GNE: variants seen among roughly 807,000 people sequenced by gnomAD.
GNE encodes bifunctional UDP-N-acetylglucosamine 2-epimerase/N-acetylmannosamine kinase.
GNE carries 41 observed loss-of-function variants against 61.8 expected under a neutral mutation model. The ratio of observed to expected loss-of-function variants is 0.66; its 90% CI spans 0.52 to 0.86. The LOEUF (loss-of-function observed/expected upper bound fraction) is 0.86, where lower values mean the gene tolerates loss of function less well. GNE is among the 40% of genes least tolerant of loss of function. The probability of loss-of-function intolerance (pLI) is 0.00; values close to 1 mark genes in which losing one functional copy is unlikely to be tolerated. For synonymous variants in GNE, 264 were observed against 326.4 expected (o/e 0.81, Z 2.06); for missense variants, 608 against 909.1 (o/e 0.67, Z 4.26).
intron 1 of GNE, among the ~76,000 whole-genome samples, chr9:36,266,699 G>A (rs907822339): frequency 1.6e-4 from 24 of 152,272 alleles, no homozygotes; most frequent in African/African-American, 5.3e-4. Context: ...CACAAGGTCA[G>A]GAGATCGAGA....
At chr9:36,240,964 G>A (rs137949937) in intron 3 of GNE, among the ~76,000 whole-genome samples, 1 of 152,032 alleles carries the variant, frequency 6.6e-6, no homozygotes, top group Non-Finnish European at 1.5e-5. Context: ...AGCCTTGAAT[G>A]ATCTTTTGTA....
At chr9:36,235,773 G>A (rs1829364775) in intron 4 of GNE, among the ~76,000 whole-genome samples, 1 of 152,162 alleles carries the variant, frequency 6.6e-6, no homozygotes, top group African/African-American at 2.4e-5. Flanking sequence ...TACTAAGACA[G>A]GGGTTCTTTC....
chr9:36,249,598 G>T (rs1005099792), intron 1 of GNE, among the ~76,000 whole-genome samples: 2 of 152,112 alleles, frequency 1.3e-5, no homozygotes, highest in African/African-American at 2.4e-5. Flanking sequence ...AAACTCCAAG[G>T]CTGGGAGTGG....
At chr9:36,267,070 A>G (rs996339868) in intron 1 of GNE, among the ~76,000 whole-genome samples, 3 of 152,232 alleles carry the variant, frequency 2.0e-5, no homozygotes, top group African/African-American at 7.2e-5. Context: ...AGTCTCAAAA[A>G]AAGAGATTAT....
chr9:36,218,082 A>G lies in GNE; in HGVS notation c.1933+101T>C. The stretch of plus-strand genomic sequence containing the variant: ...AACCTCTGAACAGACACTGCAAAGC[A>G]CCTGTCCCTAGGGAAGCAGGGTCTC... On this transcript the variant is annotated intron_variant, in intron 11 of 11. Coordinates refer to ENST00000642385, the MANE Select transcript of GNE (RefSeq NM_005476.7). This position sits in a 1 kb window ranked among gnomAD's most constrained non-coding sequence, Gnocchi z 4.1. The G allele has an allele frequency of 1.2e-6, 1 of 816,750 alleles. No individual in the cohort carries two copies. Among genetic ancestry groups the G allele is most frequent in the Middle Eastern group, 2.2e-4 (1 of 4,480 alleles). 50.6% of individuals were successfully genotyped at this position (816,750 alleles called of 1,614,324 possible).
At chr9:36,239,620 A>G (rs897657011) in intron 3 of GNE, among the ~76,000 whole-genome samples, 2 of 151,868 alleles carry the variant, frequency 1.3e-5, no homozygotes, top group Non-Finnish European at 2.9e-5. Flanking sequence ...CTACAGGTGC[A>G]CATCACCATG....
At chr9:36,240,900 A>G (rs1022589387) in intron 3 of GNE, among the ~76,000 whole-genome samples, 5 of 152,100 alleles carry the variant, frequency 3.3e-5, no homozygotes, top group African/African-American at 9.6e-5. Context: ...TTTTCCAGGA[A>G]TTTGTCCATC....
rs548629989 is a variant in GNE at position 36,232,990 on chromosome 9, A to G, written c.982+930T>C. 5.3e-5 allele frequency among the ~76,000 whole-genome samples: 8 copies of G among 152,348 alleles called. No individual in the cohort carries two copies. The South Asian group carries it at 1.5e-3, about 28-fold the overall frequency. On this transcript the variant is annotated intron_variant, in intron 5 of 11. Transcript: ENST00000642385. ...GTAATATGCTGGGAATGAGAAGGGA[A>G]GAAGATCTAAATATAACAGAAAGGT...
At chr9:36,255,852 CA>C (rs1388904063) in intron 1 of GNE, among the ~76,000 whole-genome samples, 7 of 152,158 alleles carry the variant, frequency 4.6e-5, no homozygotes, top group African/African-American at 1.4e-4. Context: ...AGATGTTAGA[CA>C]GATAGATGAT....
rs1280156301 is a variant in GNE, at chr9:36,218,417, G to T, written c.1817-118C>A. 8.0e-6 allele frequency: 6 copies of T among 748,216 alleles called. No homozygotes were observed. The East Asian group carries it at 1.3e-4, about 16-fold the overall frequency. 46.3% of individuals were successfully genotyped at this position (748,216 alleles called of 1,614,324 possible). ...AAGACGGTGTTTTCTTTTCACAATT[G>T]CAAAGCTTATCGTTCACAAACATCT... On this transcript the variant is annotated intron_variant, in intron 10 of 11. Transcript: ENST00000642385. This position sits in a 1 kb window ranked among gnomAD's most constrained non-coding sequence, Gnocchi z 4.1.
intron 9 of GNE, 131 bp from the exon 10 acceptor site, chr9:36,220,151 C>G: frequency 1.3e-6 from 1 of 765,594 alleles, no homozygotes; most frequent in East Asian, 2.6e-5. Flanking sequence ...ACAGCTGAAG[C>G]CCACTAGGCA....
intron 1 of GNE, among the ~76,000 whole-genome samples, chr9:36,251,190 C>G (rs779808888): frequency 2.6e-5 from 4 of 152,150 alleles, no homozygotes; most frequent in Non-Finnish European, 5.9e-5. Flanking sequence ...AAAACTCCAT[C>G]TAAGTGTCAT....
At chr9:36,267,625 G>C (rs1830854635) in intron 1 of GNE, among the ~76,000 whole-genome samples, 1 of 152,118 alleles carries the variant, frequency 6.6e-6, no homozygotes, top group Non-Finnish European at 1.5e-5. Flanking sequence ...GAATGCAGGA[G>C]GCAGAGGTTG....
upstream of GNE, among the ~76,000 whole-genome samples, chr9:36,260,296 AAAG>A (rs1304143321): frequency 2.0e-5 from 3 of 149,418 alleles, no homozygotes; most frequent in Non-Finnish European, 2.9e-5. Context: ...AAAAAAAAAA[AAAG>A]AAAGAAAGAA....
chr9:36,224,993 A>T (rs1281330315), intron 7 of GNE, among the ~76,000 whole-genome samples: 5 of 152,224 alleles, frequency 3.3e-5, no homozygotes, highest in Admixed American at 2.0e-4. Flanking sequence ...TTTAATGTTA[A>T]ACTTTGAGAA....
upstream of GNE, among the ~76,000 whole-genome samples, chr9:36,258,997 C>G (rs1052363884): frequency 6.6e-6 from 1 of 152,212 alleles, no homozygotes; most frequent in African/African-American, 2.4e-5. Flanking sequence ...AGGGAACTCC[C>G]AGCCAGTCCC....
At chr9:36,249,858 TG>T (rs1830049841) in intron 1 of GNE, among the ~76,000 whole-genome samples, 1 of 150,324 alleles carries the variant, frequency 6.7e-6, no homozygotes, top group South Asian at 2.1e-4. Context: ...CACTCCAGCC[TG>T]GGTGACAGAG....
chr9:36,265,008 G>A lies in GNE; in HGVS notation c.51+11886C>T, dbSNP rs60940517. 5 of 254,574 alleles carry A rather than the reference G, an allele frequency of 2.0e-5. No homozygotes were observed. In the East Asian group the frequency reaches 2.9e-4, roughly 15 times the overall value. The allele number at this position is 254,574 out of a possible 1,614,324, so 15.8% of individuals were successfully genotyped here. On this transcript the variant is annotated intron_variant, in intron 1 of 11. Coordinates refer to the GNE transcript ENST00000396594. ...TACCGCTCAAGCTAAGCTTTCGCTC[G>A]TTGTCCACCACTGCTGTTTGCCGCA...
chr9:36,275,451 A>G (rs928249642), intron 1 of GNE, among the ~76,000 whole-genome samples: 3 of 152,236 alleles, frequency 2.0e-5, no homozygotes, highest in Non-Finnish European at 2.9e-5. Flanking sequence ...TGGAAAAGAT[A>G]ATTGAATTAT....
Sources: allele counts gnomAD v4.1 joint callset (sites outside exome capture counted in the v4.1 genomes callset), GRCh38; gene constraint gnomAD v4.1.1; non-coding constraint Gnocchi (gnomAD v3.1); transcripts MANE v1.5; gene names NCBI Gene and HGNC (gene_info 2026-07-23, HGNC 2026-07-21).